The following RGS12 variants were observed in gnomAD, a reference collection of about 807,000 sequenced individuals.
The protein encoded by RGS12 is regulator of G-protein signaling 12.
Under a neutral mutation model 120.1 loss-of-function variants are expected in RGS12, and 66 were observed. The observed-to-expected ratio is 0.55, with a 90% CI of 0.45 to 0.67. RGS12 has a LOEUF of 0.67. Ranked by LOEUF, RGS12 falls within the 30% of genes least tolerant of loss-of-function variation. RGS12 has a pLI of 0.00. For synonymous variants in RGS12, 827 were observed against 804.7 expected, an observed-to-expected ratio of 1.03 and a Z score of -0.47; for missense variants, 1,859 against 1,957.7, an observed-to-expected ratio of 0.95 and a Z score of 0.95.
At chr4:3,373,362 A>G (rs1451881548) in intron 3 of RGS12, among the ~76,000 whole-genome samples, 2 of 152,118 alleles carry the variant, frequency 1.3e-5, no homozygotes, top group East Asian at 3.9e-4. Flanking sequence ...GCAGTGGTGC[A>G]TGGCTGATGG....
intron 4 of RGS12, among the ~76,000 whole-genome samples, chr4:3,408,592 A>G (rs1442061969): frequency 6.6e-6 from 1 of 152,156 alleles, no homozygotes; most frequent in Non-Finnish European, 1.5e-5. Context: ...TGGAGATTCC[A>G]CTGTCCTTTG....
At chr4:3,380,176 A>C (rs1409463989) in intron 3 of RGS12, among the ~76,000 whole-genome samples, 1 of 152,172 alleles carries the variant, frequency 6.6e-6, no homozygotes, top group Non-Finnish European at 1.5e-5. Flanking sequence ...TCCAAAATGC[A>C]ATAGGGCAGT....
intron 4 of RGS12, among the ~76,000 whole-genome samples, chr4:3,403,035 G>A (rs1439475352): frequency 1.3e-5 from 2 of 152,276 alleles, no homozygotes; most frequent in East Asian, 1.9e-4. Context: ...TAATTCACTC[G>A]TCTTTGCACA....
upstream of RGS12, among the ~76,000 whole-genome samples, chr4:3,288,821 C>T (rs1212187853): frequency 1.3e-5 from 2 of 152,178 alleles, no homozygotes; most frequent in Non-Finnish European, 2.9e-5. This position sits in a 1 kb window ranked among gnomAD's most constrained non-coding sequence, Gnocchi z 5.2. Context: ...TTGCTGGGGG[C>T]CTCAGGGGCC....
Position 3,422,527 on chromosome 4 carries a change from T to C in RGS12, c.2990T>C (p.Ile997Thr), listed in dbSNP as rs766789194. Reference protein sequence around the residue: ...ILSGLCERHGINGAAADLFLV... With the variant: ...ILSGLCERHGTNGAAADLFLV... Reference sequence around the variant, plus strand: ...TCCGGACTCTGTGAGCGGCATGGCATCAACGGGGCGGCCGCGGACCTCTTC... The same window carrying C: ...TCCGGACTCTGTGAGCGGCATGGCACCAACGGGGCGGCCGCGGACCTCTTC... Residue 997 changes from isoleucine (I) to threonine (T), a missense_variant, in exon 11 of 18, where the codon ATC becomes ACC. Coordinates refer to ENST00000336727, the MANE Select transcript of RGS12 (RefSeq NM_001394154.1). The C allele has an allele frequency of 6.2e-7, 1 of 1,612,844 alleles. No individual in the cohort carries two copies. Among genetic ancestry groups the C allele is most frequent in the East Asian group, 2.2e-5 (1 of 44,878 alleles).
chr4:3,429,222 G>A (rs186944550), intron 16 of RGS12, among the ~76,000 whole-genome samples: 36 of 152,370 alleles, frequency 2.4e-4, no homozygotes, highest in Admixed American at 9.1e-4. Flanking sequence ...CTCCAGGAGA[G>A]ACAACAGGCA....
chr4:3,420,908 C>T (rs1292369124), intron 10 of RGS12, among the ~76,000 whole-genome samples, 190 bp downstream of exon 10: 2 of 152,252 alleles, frequency 1.3e-5, no homozygotes, highest in East Asian at 1.9e-4. Flanking sequence ...CCCATCAGGC[C>T]CCGGCCTCAT....
At position 3,325,400 on chromosome 4, in the gene RGS12, G is replaced by A. The variant is rs545781197; in HGVS notation, c.1881+7349G>A. Among the ~76,000 whole-genome samples the A allele has an allele frequency of 1.5e-4, 23 of 152,238 alleles. 1 individual carries two copies. The highest frequency in any genetic ancestry group is 5.3e-4 in the African/African-American group (22 of 41,538). ...CAATGTGACAGTATTAAGAGGTGAG[G>A]CCTTTAAGAGGTGATTAGGTCATGA... is the stretch of plus-strand genomic sequence containing the variant. On this transcript the variant is annotated intron_variant, in intron 2 of 17. Transcript: ENST00000336727.
intron 2 of RGS12, among the ~76,000 whole-genome samples, chr4:3,331,884 C>T (rs1482679687): frequency 2.6e-5 from 4 of 152,216 alleles, no homozygotes; most frequent in African/African-American, 7.2e-5. Flanking sequence ...GGGCTTTGTG[C>T]CACCTGCACC....
chr4:3,316,312 A>G lies in RGS12; in HGVS notation c.142A>G (p.Met48Val). ...GQAPCVLSCV[M>V]RGSPADFVGL... ...GGCACCCTGTGTGCTCAGCTGCGTCATGAGAGGGAGCCCTGCGGATTTCGT... is the reference window on the plus strand; with the variant it reads ...GGCACCCTGTGTGCTCAGCTGCGTCGTGAGAGGGAGCCCTGCGGATTTCGT... Residue 48 changes from methionine to valine, a missense_variant, in exon 2 of 18, where the codon ATG becomes GTG. Transcript: ENST00000336727. The G allele has an allele frequency of 1.2e-6, 2 of 1,614,184 alleles. No homozygotes were observed. Among genetic ancestry groups the G allele is most frequent in the Non-Finnish European group, 1.7e-6 (2 of 1,180,044 alleles).
At chr4:3,326,796 A>T (rs1201796169) in intron 2 of RGS12, among the ~76,000 whole-genome samples, 2 of 152,214 alleles carry the variant, frequency 1.3e-5, no homozygotes, top group African/African-American at 2.4e-5. Flanking sequence ...CAAAATACTG[A>T]TGAGAGAAAT....
intron 17 of RGS12, among the ~76,000 whole-genome samples, chr4:3,436,385 A>C (rs961371313): frequency 6.6e-6 from 1 of 152,048 alleles, no homozygotes; most frequent in Non-Finnish European, 1.5e-5. Context: ...GCGAGCTTCC[A>C]AGGGGCGCTG....
At chr4:3,287,884 G>T in the RGS12 span, among the ~76,000 whole-genome samples, 3 of 152,154 alleles carry the variant, frequency 2.0e-5, no homozygotes, top group Non-Finnish European at 4.4e-5. Context: ...GCCTGGGTGG[G>T]GGCCCTCAGC....
intron 4 of RGS12, among the ~76,000 whole-genome samples, chr4:3,409,790 C>T (rs576503721): frequency 1.3e-5 from 2 of 152,336 alleles, no homozygotes; most frequent in Non-Finnish European, 1.5e-5. Context: ...CCAGCCACAG[C>T]GTGCAGTGGG....
chr4:3,416,505 G>A (rs963970041), intron 7 of RGS12, among the ~76,000 whole-genome samples: 2 of 152,202 alleles, frequency 1.3e-5, no homozygotes, highest in South Asian at 2.1e-4. Context: ...TATTCGAGAC[G>A]TGCCTGTGCA....
In RGS12 at chr4:3,433,542, G is replaced by A. The variant is rs59468921; in HGVS notation, c.4114+2587G>A. 0.013 allele frequency among the ~76,000 whole-genome samples: 1,990 copies of A among 148,630 alleles called. 60 individuals carry two copies. The highest frequency in any genetic ancestry group is 0.047 in the African/African-American group (1,850 of 39,386). ...CCCTGTCCTAGCCCCAATGCCACAT[G>A]CCACACCACCCCATCCTAGCCCCAG... On this transcript the variant is annotated intron_variant, in intron 17 of 17. Transcript: ENST00000336727. This position sits in a 1 kb window ranked among gnomAD's most constrained non-coding sequence, Gnocchi z 4.4.
intron 4 of RGS12, among the ~76,000 whole-genome samples, chr4:3,399,739 A>G (rs115444084): frequency 6.3e-4 from 96 of 152,382 alleles, no homozygotes; most frequent in African/African-American, 2.1e-3. Context: ...ACAGATGAGT[A>G]TATCAGTCAG....
rs199732646 is a variant in RGS12, at chr4:3,439,531, C to T, written c.4191C>T (p.Pro1397=). Residue 1397 remains proline (P), a synonymous_variant, in exon 18 of 18, where the codon CCC becomes CCT. Coordinates refer to ENST00000336727, the MANE Select transcript of RGS12 (RefSeq NM_001394154.1). ...TGGATCTTGTAACTGGCTCGGCGCC[C>T]GGGCGGGATGGTGGCATAGCGGGGG... is the stretch of plus-strand genomic sequence containing the variant. The part of the protein sequence containing the change: ...IDVDLVTGSA[P]GRDGGIAGAQ... 3.8e-5 allele frequency: 62 copies of T among 1,612,618 alleles called. No individual in the cohort carries two copies. The highest frequency in any genetic ancestry group is 3.3e-4 in the Middle Eastern group (2 of 6,056).
At chr4:3,378,688 T>A (rs1717942435) in intron 3 of RGS12, 1 of 152,106 alleles carries the variant, frequency 6.6e-6, no homozygotes, top group South Asian at 2.1e-4. Flanking sequence ...ACCAGAGAAA[T>A]GCAGTCACAA....
Sources: allele counts gnomAD v4.1 joint callset (sites outside exome capture counted in the v4.1 genomes callset), GRCh38; gene constraint gnomAD v4.1.1; non-coding constraint Gnocchi (gnomAD v3.1); transcripts MANE v1.5; gene names NCBI Gene and HGNC (gene_info 2026-07-23, HGNC 2026-07-21).